The following LHFPL3 variants were observed in gnomAD, a reference collection of about 807,000 sequenced individuals.
The protein encoded by LHFPL3 is LHFPL tetraspan subfamily member 3 protein.
A neutral mutation model predicts 19.3 loss-of-function variants in LHFPL3; 5 were observed. The observed-to-expected ratio is 0.26, with a 90% CI of 0.14 to 0.54. LHFPL3 has a LOEUF of 0.54. Among genes scored for constraint, LHFPL3 ranks in the 20% least tolerant of loss-of-function variants. The probability of loss-of-function intolerance (pLI) is 0.94; values close to 1 mark genes in which losing one functional copy is unlikely to be tolerated. For missense variants in LHFPL3, 249 were observed against 307.4 expected, an observed-to-expected ratio of 0.81 and a Z score of 1.42; for synonymous variants, 133 against 126.2, an observed-to-expected ratio of 1.05 and a Z score of -0.36.
Position 104,614,953 on chromosome 7 carries a change from C to T in LHFPL3, c.446-121722C>T, listed in dbSNP as rs557021210. Among the ~76,000 whole-genome samples the T allele has an allele frequency of 3.3e-5, 5 of 151,870 alleles. No individual in the cohort carries two copies. In the South Asian group the frequency reaches 1.0e-3, roughly 32 times the overall value. ...TTTTTTCATAGAGATAGAGGTCTCA[C>T]TGTGTTGCTCAGAATGGTCTCAAAC... is the stretch of plus-strand genomic sequence containing the variant. On this transcript the variant is annotated intron_variant, in intron 1 of 2. Coordinates refer to ENST00000424859, the MANE Select transcript of LHFPL3 (RefSeq NM_199000.3).
At chr7:104,393,256 G>A (rs1439490474) in intron 1 of LHFPL3, among the ~76,000 whole-genome samples, 1 of 152,082 alleles carries the variant, frequency 6.6e-6, no homozygotes, top group African/African-American at 2.4e-5. Flanking sequence ...AAATAGTCTG[G>A]CAGTTTCTCC....
intron 1 of LHFPL3, among the ~76,000 whole-genome samples, chr7:104,629,025 A>G (rs1363087547): frequency 2.6e-5 from 4 of 152,234 alleles, no homozygotes; most frequent in Non-Finnish European, 4.4e-5. Context: ...CTAAAAAAAT[A>G]CCATGTTGCT....
chr7:104,369,601 CCTAAA>C (rs1484205285), intron 1 of LHFPL3, among the ~76,000 whole-genome samples: 4 of 152,144 alleles, frequency 2.6e-5, no homozygotes, highest in African/African-American at 9.7e-5. Flanking sequence ...TAAAGAAACT[CCTAAA>C]CTATTTTCTG....
At chr7:104,451,562 G>A (rs186355122) in intron 1 of LHFPL3, among the ~76,000 whole-genome samples, 110 of 152,064 alleles carry the variant, frequency 7.2e-4, no homozygotes, top group African/African-American at 2.6e-3. Context: ...TTAAAAATGG[G>A]TAATCATACC....
intron 2 of LHFPL3, among the ~76,000 whole-genome samples, chr7:104,753,661 C>A (rs1279371745): frequency 1.3e-5 from 2 of 150,764 alleles, no homozygotes; most frequent in Non-Finnish European, 3.0e-5. Context: ...ATGTTTCTAG[C>A]CAATGTATCT....
chr7:104,428,649 G>A (rs971425713), intron 1 of LHFPL3, among the ~76,000 whole-genome samples: 10 of 152,102 alleles, frequency 6.6e-5, no homozygotes, highest in Admixed American at 6.5e-4. Flanking sequence ...ACCTGTCTTT[G>A]TGAAACTATT....
intron 1 of LHFPL3, among the ~76,000 whole-genome samples, chr7:104,331,175 G>A (rs903689353): frequency 1.3e-5 from 2 of 152,020 alleles, no homozygotes; most frequent in Admixed American, 6.6e-5. Context: ...GTTTTGTTTC[G>A]TTTTTCTCCT....
intron 1 of LHFPL3, among the ~76,000 whole-genome samples, chr7:104,727,054 G>A (rs748285997): frequency 5.3e-5 from 8 of 152,136 alleles, no homozygotes; most frequent in Admixed American, 6.5e-5. Flanking sequence ...TCTCATTGTC[G>A]TTTTGATATG....
chr7:104,668,840 G>A (rs1792416141), intron 1 of LHFPL3: 9 of 1,611,942 alleles, frequency 5.6e-6, no homozygotes, highest in South Asian at 2.2e-5. Flanking sequence ...GGCAAAGCCT[G>A]TTGACACAGC....
intron 1 of LHFPL3, among the ~76,000 whole-genome samples, chr7:104,653,859 C>T (rs980879934): frequency 2.0e-5 from 3 of 152,172 alleles, no homozygotes; most frequent in African/African-American, 4.8e-5. Context: ...TGGCATCCCC[C>T]CAAATCCACA....
chr7:104,514,165 C>G (rs1793875493), intron 1 of LHFPL3, among the ~76,000 whole-genome samples: 2 of 152,168 alleles, frequency 1.3e-5, no homozygotes, highest in Admixed American at 1.3e-4. Flanking sequence ...ATGCCATTCT[C>G]TGATACAGAT....
intron 1 of LHFPL3, among the ~76,000 whole-genome samples, chr7:104,408,740 A>C (rs1791470638): frequency 6.6e-6 from 1 of 152,156 alleles, no homozygotes. Flanking sequence ...ATCCTAGCAG[A>C]AGTCTGAGGC....
At chr7:104,392,740 G>C (rs1429603687) in intron 1 of LHFPL3, among the ~76,000 whole-genome samples, 1 of 152,022 alleles carries the variant, frequency 6.6e-6, no homozygotes, top group South Asian at 2.1e-4. Context: ...TCTATTGATT[G>C]GAACAGTTTC....
In LHFPL3 at chr7:104,793,043, C is replaced by G. The variant is rs141564228; in HGVS notation, c.682+56132C>G. Among the ~76,000 whole-genome samples the G allele has an allele frequency of 8.6e-3, 1,303 of 152,182 alleles. 24 individuals are homozygous for G. The highest frequency in any genetic ancestry group is 0.028 in the African/African-American group (1,178 of 41,514). ...CTTGAGTAGCTGGGATTACAGGCACCTGCCACCACACCCAGCTAATTTTTG... is the reference window on the plus strand; with the variant it reads ...CTTGAGTAGCTGGGATTACAGGCACGTGCCACCACACCCAGCTAATTTTTG... On this transcript the variant is annotated intron_variant, in intron 2 of 2. Coordinates refer to ENST00000424859, the MANE Select transcript of LHFPL3 (RefSeq NM_199000.3).
chr7:104,723,224 G>A (rs536284403), intron 1 of LHFPL3, among the ~76,000 whole-genome samples: 1 of 152,142 alleles, frequency 6.6e-6, no homozygotes, highest in Non-Finnish European at 1.5e-5. Context: ...GTGGGCATCA[G>A]TAGCCTCTAC....
intron 2 of LHFPL3, among the ~76,000 whole-genome samples, chr7:104,843,700 A>C (rs1051977980): frequency 3.3e-5 from 5 of 152,122 alleles, no homozygotes; most frequent in Admixed American, 2.6e-4. Context: ...TCTGAAAACT[A>C]TCTCGGGCCA....
intron 1 of LHFPL3, among the ~76,000 whole-genome samples, chr7:104,705,472 G>A (rs1793174863): frequency 6.6e-6 from 1 of 152,160 alleles, no homozygotes; most frequent in South Asian, 2.1e-4. Context: ...TATTCTAACT[G>A]CATCTCCTTC....
intron 1 of LHFPL3, among the ~76,000 whole-genome samples, chr7:104,343,728 C>CGTGTGTGTGTGTGT (rs10687589): frequency 5.4e-5 from 8 of 148,752 alleles, no homozygotes; most frequent in African/African-American, 1.5e-4. Context: ...GTATGGCTTG[C>CGTGTGTGTGTGTGT]GTGTGTGTGT....
chr7:104,802,862 T>C (rs1039320148), intron 2 of LHFPL3: 7 of 151,938 alleles, frequency 4.6e-5, no homozygotes, highest in Non-Finnish European at 1.0e-4. Context: ...GCCTGAGTGG[T>C]GTCCCCTCCT....
Sources: gnomAD v4.1 joint callset for allele counts (sites outside exome capture counted in the v4.1 genomes callset) on GRCh38, gnomAD v4.1.1 for gene constraint, MANE v1.5 for transcripts, NCBI Gene and HGNC (gene_info 2026-07-23, HGNC 2026-07-21) for gene names.